ZNF536: variants seen among roughly 807,000 people sequenced by gnomAD.
ZNF536 encodes the protein zinc finger protein 536.
ZNF536 carries 13 observed loss-of-function variants against 84.5 expected under a neutral mutation model. The observed-to-expected ratio is 0.15, with a 90% confidence interval of 0.10 to 0.24. ZNF536 has a LOEUF of 0.24. Among genes scored for constraint, ZNF536 ranks in the 10% least tolerant of loss-of-function variants. The pLI is 1.00. For synonymous variants in ZNF536, 811 were observed against 742.5 expected, an observed-to-expected ratio of 1.09 and a Z score of -1.50; for missense variants, 1,536 against 1,747.5, an observed-to-expected ratio of 0.88 and a Z score of 2.16.
intron 2 of ZNF536, among the ~76,000 whole-genome samples, chr19:30,299,759 C>A (rs1256904394): frequency 6.6e-6 from 1 of 152,146 alleles, no homozygotes; most frequent in Non-Finnish European, 1.5e-5. Context: ...TGAAGATGTA[C>A]AACTCGGTTA....
intron 1 of ZNF536, among the ~76,000 whole-genome samples, chr19:30,631,092 G>A (rs2048870559): frequency 6.6e-6 from 1 of 152,164 alleles, no homozygotes; most frequent in African/African-American, 2.4e-5. Context: ...CGGAGGCTGG[G>A]CCGTGCAGCC....
intron 3 of ZNF536, among the ~76,000 whole-genome samples, chr19:30,358,091 C>T (rs2048156644): frequency 6.6e-6 from 1 of 152,034 alleles, no homozygotes; most frequent in Admixed American, 6.6e-5. Flanking sequence ...ATAGTTTAGG[C>T]CTCTTTCCCT....
intron 2 of ZNF536, among the ~76,000 whole-genome samples, chr19:30,342,552 A>T (rs373699841): frequency 1.3e-5 from 2 of 152,208 alleles, no homozygotes; most frequent in East Asian, 3.8e-4. Flanking sequence ...GGAAAAGACA[A>T]ACTGCTACAA....
chr19:30,519,211 C>A (rs1005151250), intron 2 of ZNF536, among the ~76,000 whole-genome samples: 3 of 152,250 alleles, frequency 2.0e-5, no homozygotes, highest in Non-Finnish European at 2.9e-5. Flanking sequence ...CTGCCTCCCC[C>A]AGCCCAGCTC....
intron 1 of ZNF536, among the ~76,000 whole-genome samples, chr19:30,273,992 C>T (rs1245488016): frequency 1.3e-5 from 2 of 152,188 alleles, no homozygotes; most frequent in Non-Finnish European, 2.9e-5. Flanking sequence ...TTATTTTCCT[C>T]TTTCTAATAT....
chr19:30,399,574 T>G (rs1258258389), intron 1 of ZNF536, among the ~76,000 whole-genome samples: 1 of 152,150 alleles, frequency 6.6e-6, no homozygotes, highest in Non-Finnish European at 1.5e-5. Flanking sequence ...TTTTAATCCA[T>G]CTTGAGTTAA....
At chr19:30,322,044 G>A (rs925667455) in intron 2 of ZNF536, among the ~76,000 whole-genome samples, 2 of 152,124 alleles carry the variant, frequency 1.3e-5, no homozygotes, top group African/African-American at 2.4e-5. Context: ...AAAGTGCTGG[G>A]ATTACAGGCG....
Position 30,704,730 on chromosome 19 carries a change from C to T in ZNF536, c.170-6027C>T, listed in dbSNP as rs370190510. Among the ~76,000 whole-genome samples, 23 of 151,558 alleles carry T rather than the reference C, an allele frequency of 1.5e-4. No homozygotes were observed. In the East Asian group the frequency reaches 2.5e-3, roughly 17 times the overall value. Reference sequence around the variant, plus strand: ...TGCCTTGTCACCTCTGGGACTGCAGCGGCTTCTCCTCTGGGGATGAGATGA... The same window carrying T: ...TGCCTTGTCACCTCTGGGACTGCAGTGGCTTCTCCTCTGGGGATGAGATGA... On this transcript the variant is annotated intron_variant, in intron 1 of 1. Transcript: ENST00000592773.
At chr19:30,502,824 C>A (rs2055005255) in intron 2 of ZNF536, among the ~76,000 whole-genome samples, 1 of 152,054 alleles carries the variant, frequency 6.6e-6, no homozygotes, top group Admixed American at 6.6e-5. Flanking sequence ...ACACTGCTGC[C>A]CCCTGTCCCA....
intron 1 of ZNF536, among the ~76,000 whole-genome samples, chr19:30,443,041 TTG>T (rs1491543685): frequency 2.5e-4 from 24 of 97,114 alleles, no homozygotes; most frequent in African/African-American, 8.4e-4. Context: ...TGTTTTTTGT[TTG>T]TTTTTTTTTT....
chr19:30,613,936 C>T (rs2048190789), intron 1 of ZNF536, among the ~76,000 whole-genome samples: 1 of 152,212 alleles, frequency 6.6e-6, no homozygotes, highest in African/African-American at 2.4e-5. Flanking sequence ...GATCTTGGCT[C>T]ACTGCAACCT....
At chr19:30,395,734 G>A (rs2049789884) in intron 1 of ZNF536, among the ~76,000 whole-genome samples, 1 of 152,130 alleles carries the variant, frequency 6.6e-6, no homozygotes, top group African/African-American at 2.4e-5. Context: ...TGTTTAGTAA[G>A]GACTTTTTAT....
intron 2 of ZNF536, among the ~76,000 whole-genome samples, chr19:30,348,365 A>G (rs2047816095): frequency 6.6e-6 from 1 of 152,180 alleles, no homozygotes; most frequent in Non-Finnish European, 1.5e-5. Context: ...AGGGTACCTA[A>G]GAGGCATTTT....
chr19:30,286,321 T>C (rs1376034826), intron 2 of ZNF536, among the ~76,000 whole-genome samples: 1 of 152,200 alleles, frequency 6.6e-6, no homozygotes, highest in Non-Finnish European at 1.5e-5. Context: ...GTGATGTGGC[T>C]TCAGCCAGCA....
intron 1 of ZNF536, among the ~76,000 whole-genome samples, chr19:30,440,624 C>G (rs1220440441): frequency 1.3e-5 from 2 of 152,118 alleles, no homozygotes; most frequent in African/African-American, 4.8e-5. Flanking sequence ...AATGTTGCCC[C>G]CATGGCAAAT....
intron 1 of ZNF536, among the ~76,000 whole-genome samples, chr19:30,386,107 C>T (rs2049329858): frequency 6.6e-6 from 1 of 152,190 alleles, no homozygotes; most frequent in South Asian, 2.1e-4. Context: ...CCAGCTTCAT[C>T]TCAGGCAACA....
intron 1 of ZNF536, among the ~76,000 whole-genome samples, chr19:30,645,388 C>T (rs1356647621): frequency 6.6e-6 from 1 of 152,104 alleles, no homozygotes; most frequent in East Asian, 1.9e-4. Flanking sequence ...TCCCATTTGT[C>T]AATTTTGGCT....
chr19:30,502,293 G>A (rs1025739943), intron 2 of ZNF536, among the ~76,000 whole-genome samples: 3 of 152,198 alleles, frequency 2.0e-5, no homozygotes, highest in Non-Finnish European at 2.9e-5. Flanking sequence ...ATTGTAACAT[G>A]CATCTGCAAA....
intron 1 of ZNF536, among the ~76,000 whole-genome samples, chr19:30,596,288 G>C (rs1341048783): frequency 1.3e-5 from 2 of 152,078 alleles, no homozygotes; most frequent in East Asian, 3.9e-4. Context: ...AAAATGCAAG[G>C]CATTCATTTT....
Sources: allele counts gnomAD v4.1 joint callset (sites outside exome capture counted in the v4.1 genomes callset), GRCh38; gene constraint gnomAD v4.1.1; transcripts MANE v1.5; gene names NCBI Gene and HGNC (gene_info 2026-07-23, HGNC 2026-07-21).